Variants in SYTL2 observed in about 807,000 individuals in gnomAD.
SYTL2 encodes synaptotagmin-like protein 2.
SYTL2 carries 165 observed loss-of-function variants against 198.7 expected under a neutral mutation model. The observed-to-expected ratio is 0.83, with a 90% CI of 0.73 to 0.94. SYTL2 has a LOEUF of 0.94. SYTL2 is among the 40% of genes least tolerant of loss of function. SYTL2 has a pLI of 0.00. For missense variants in SYTL2, 2,835 were observed against 2,582.8 expected (o/e 1.10, Z -2.12); for synonymous variants, 966 against 917.7 (o/e 1.05, Z -0.95).
At chr11:85,731,717 G>C (rs2089848869) in intron 7 of SYTL2, among the ~76,000 whole-genome samples, 3 of 152,146 alleles carry the variant, frequency 2.0e-5, no homozygotes, top group Admixed American at 2.0e-4. Flanking sequence ...GGCAACAAAA[G>C]TCAAAATTGA....
chr11:85,698,038 C>T lies in SYTL2; in HGVS notation c.6309G>A (p.Val2103=). The change falls in exon 18 of 20, where the codon GTG becomes GTA. Residue 2103 remains valine (V), a synonymous_variant. Coordinates refer to ENST00000359152, the MANE Select transcript of SYTL2 (RefSeq NM_206927.4). ...GCAGTGGTAGATCAAGGCATTCCTT[C>T]ACCCAGATGTGCACTTCTCCAGTTG... The part of the protein sequence containing the change: ...LPTTGEVHIW[V]KECLDLPLLR... 6.2e-7 allele frequency: 1 copy of T among 1,613,948 alleles called. No homozygotes were observed. The highest frequency in any genetic ancestry group is 1.1e-5 in the South Asian group (1 of 91,076).
chr11:85,800,003 T>A (rs890845196), intron 1 of SYTL2, among the ~76,000 whole-genome samples: 1 of 152,226 alleles, frequency 6.6e-6, no homozygotes, highest in African/African-American at 2.4e-5. Flanking sequence ...GCAAGAGATT[T>A]TCTGTAAAGA....
intron 4 of SYTL2, among the ~76,000 whole-genome samples, chr11:85,741,750 A>G (rs2090804347): frequency 1.3e-5 from 2 of 152,174 alleles, no homozygotes; most frequent in South Asian, 4.1e-4. Flanking sequence ...AATATCTACG[A>G]AAGACTTTCA....
chr11:85,760,705 C>G (rs1156806540), intron 1 of SYTL2, among the ~76,000 whole-genome samples: 1 of 152,092 alleles, frequency 6.6e-6, no homozygotes, highest in African/African-American at 2.4e-5. Flanking sequence ...GCAGTGGTAA[C>G]TGGCAGGGTT....
chr11:85,798,684 C>T (rs1243867486), intron 1 of SYTL2, among the ~76,000 whole-genome samples: 2 of 152,162 alleles, frequency 1.3e-5, no homozygotes, highest in South Asian at 2.1e-4. Context: ...TGGGTGGGAG[C>T]TCCCACGGGT....
rs2085829331 is a variant in SYTL2, at chr11:85,709,324, T to C, written c.5915+7A>G. 2 of 1,614,034 alleles carry C rather than the reference T, an allele frequency of 1.2e-6. No homozygotes were observed. Among genetic ancestry groups the C allele is most frequent in the Non-Finnish European group, 1.7e-6 (2 of 1,179,924 alleles). ...AGAGAAGGTAGGTGACTCTAAAATG[T>C]ACTTACGGGTCTGAACGCTGTTTTT... On this transcript the variant is annotated splice_region_variant and intron_variant, in intron 14 of 19. Transcript: ENST00000359152.
At chr11:85,819,532 A>G in the SYTL2 span, among the ~76,000 whole-genome samples, 16 of 152,178 alleles carry the variant, frequency 1.1e-4, no homozygotes. Context: ...ATTTAGCCTA[A>G]GCTTTTCACA....
At chr11:85,739,290 A>C (rs2509347) in intron 4 of SYTL2, among the ~76,000 whole-genome samples, 147,066 of 147,068 alleles carry the variant, frequency 1, 73,532 homozygotes, top group Non-Finnish European at 1. Flanking sequence ...TGTTATTTGC[A>C]AAACTGCAGT....
chr11:85,703,810 A>T (rs1031779247), intron 16 of SYTL2, among the ~76,000 whole-genome samples: 4 of 152,192 alleles, frequency 2.6e-5, no homozygotes, highest in Non-Finnish European at 4.4e-5. Context: ...GAGAATGGGT[A>T]AATGGAGTTA....
intron 14 of SYTL2, chr11:85,707,901 G>T (rs1303246300): frequency 9.0e-6 from 2 of 222,350 alleles, no homozygotes; most frequent in Non-Finnish European, 1.7e-5. Context: ...CCTGAGGTCG[G>T]GAGTTCAAGA....
At chr11:85,737,704 A>G (rs563830624) in intron 4 of SYTL2, 48 bp from the exon 5 acceptor site, 2 of 1,516,352 alleles carry the variant, frequency 1.3e-6, no homozygotes, top group East Asian at 4.5e-5. Context: ...CCTTTTGAGG[A>G]ATCATAAATT....
At chr11:85,804,682 TC>T in intron 1 of SYTL2, among the ~76,000 whole-genome samples, 1 of 152,276 alleles carries the variant, frequency 6.6e-6, no homozygotes, top group Non-Finnish European at 1.5e-5. Context: ...TGTTTTTCAG[TC>T]TGAAGCAATT....
chr11:85,785,207 G>A (rs1353128450), intron 1 of SYTL2, among the ~76,000 whole-genome samples: 1 of 152,138 alleles, frequency 6.6e-6, no homozygotes, highest in East Asian at 1.9e-4. Context: ...CCCCTCTGTG[G>A]AATTCAGTCT....
At chr11:85,833,366 GAT>G in the SYTL2 span, among the ~76,000 whole-genome samples, 1 of 145,682 alleles carries the variant, frequency 6.9e-6, no homozygotes, top group African/African-American at 2.5e-5. Context: ...ATATATATGA[GAT>G]ATATGATATA....
At chr11:85,782,875 T>C (rs1407324058) in intron 1 of SYTL2, among the ~76,000 whole-genome samples, 6 of 152,248 alleles carry the variant, frequency 3.9e-5, no homozygotes, top group Non-Finnish European at 7.3e-5. Flanking sequence ...CAATCTGGAC[T>C]TCGTTGTCCA....
chr11:85,769,922 T>C (rs1394031228), intron 1 of SYTL2, among the ~76,000 whole-genome samples: 2 of 152,128 alleles, frequency 1.3e-5, no homozygotes, highest in African/African-American at 4.8e-5. Context: ...GCATTTTCAC[T>C]TGGCACCCTT....
intron 19 of SYTL2, 94 bp downstream of exon 19, chr11:85,696,089 G>A (rs749862685): frequency 9.3e-6 from 9 of 967,526 alleles, no homozygotes; most frequent in East Asian, 2.4e-5. Flanking sequence ...AGGATATCTC[G>A]GTTTTCACTG....
rs190147129 is a variant in SYTL2 at position 85,763,013 on chromosome 11, A to G, written c.-389-4899T>C. On this transcript the variant is annotated intron_variant, in intron 1 of 19. Transcript: ENST00000359152. ...AGCTTCTATTTCCCCCTGAACATGA[A>G]CATAGCTCTAGGGCCCATAAATGAA... is the stretch of plus-strand genomic sequence containing the variant. Among the ~76,000 whole-genome samples the G allele has an allele frequency of 1.2e-4, 18 of 152,316 alleles. No individual in the cohort carries two copies. In the East Asian group the frequency reaches 2.3e-3, roughly 20 times the overall value.
At chr11:85,696,139 G>T in intron 19 of SYTL2, 44 bp downstream of exon 19, 1 of 1,557,688 alleles carries the variant, frequency 6.4e-7, no homozygotes. Context: ...AGTATCTCTA[G>T]AAAAATTTGG....
Sources: gnomAD v4.1 joint callset for allele counts (sites outside exome capture counted in the v4.1 genomes callset) on GRCh38, gnomAD v4.1.1 for gene constraint, MANE v1.5 for transcripts, NCBI Gene and HGNC (gene_info 2026-07-23, HGNC 2026-07-21) for gene names.